The following VTI1A variants were observed in gnomAD, a reference collection of about 807,000 sequenced individuals.
VTI1A encodes the protein vesicle transport through interaction with t-SNAREs homolog 1A.
VTI1A carries 22 observed loss-of-function variants against 34.9 expected under a neutral mutation model. The ratio of observed to expected loss-of-function variants is 0.63; its 90% CI spans 0.45 to 0.90. The LOEUF (loss-of-function observed/expected upper bound fraction) is 0.90. Ranked by LOEUF, VTI1A falls within the 40% of genes least tolerant of loss-of-function variation. The pLI is 0.00. For missense variants in VTI1A, 268 were observed against 275.6 expected, an observed-to-expected ratio of 0.97 and a Z score of 0.20; for synonymous variants, 87 against 97.3, an observed-to-expected ratio of 0.89 and a Z score of 0.62.
intron 7 of VTI1A, among the ~76,000 whole-genome samples, chr10:112,783,812 A>G (rs777313380): frequency 2.0e-5 from 3 of 152,234 alleles, no homozygotes; most frequent in Non-Finnish European, 4.4e-5. Context: ...TGCTGAGCCG[A>G]TTCCAGCATG....
At chr10:112,757,874 A>G (rs1273819420) in intron 7 of VTI1A, among the ~76,000 whole-genome samples, 1 of 152,178 alleles carries the variant, frequency 6.6e-6, no homozygotes, top group Admixed American at 6.5e-5. Flanking sequence ...AAACATGCAA[A>G]TAGAATTGTT....
At chr10:112,826,361 C>T in the VTI1A span, 3 of 152,342 alleles carry the variant, frequency 2.0e-5, no homozygotes, top group Admixed American at 6.5e-5. Flanking sequence ...TAGGTTTAAC[C>T]ACCATGGGCA....
At chr10:112,761,052 T>C (rs1197986821) in intron 7 of VTI1A, among the ~76,000 whole-genome samples, 1 of 152,204 alleles carries the variant, frequency 6.6e-6, no homozygotes, top group East Asian at 1.9e-4. Flanking sequence ...TACGTGAGCA[T>C]TTAACTTTTT....
chr10:112,513,279 G>A (rs913428827), intron 3 of VTI1A, among the ~76,000 whole-genome samples: 2 of 151,822 alleles, frequency 1.3e-5, no homozygotes, highest in Non-Finnish European at 2.9e-5. Context: ...ATACCCAAGT[G>A]TTTAATTTTT....
chr10:112,595,926 T>C (rs1844619392), intron 5 of VTI1A, among the ~76,000 whole-genome samples: 1 of 152,084 alleles, frequency 6.6e-6, no homozygotes, highest in Admixed American at 6.5e-5. Flanking sequence ...TGTCCAACAA[T>C]GACAGACTGG....
chr10:112,491,749 A>G (rs930664993), intron 3 of VTI1A, among the ~76,000 whole-genome samples: 2 of 152,184 alleles, frequency 1.3e-5, no homozygotes, highest in Middle Eastern at 3.2e-3. Flanking sequence ...CTGACTATCC[A>G]TATTTCAAGG....
the VTI1A span, chr10:112,825,708 G>A: frequency 2.0e-5 from 3 of 152,208 alleles, no homozygotes; most frequent in African/African-American, 7.2e-5. Context: ...GAACCCTCAT[G>A]TCTAGGGAGC....
chr10:112,682,359 A>G (rs1848245476), intron 7 of VTI1A, among the ~76,000 whole-genome samples: 1 of 152,124 alleles, frequency 6.6e-6, no homozygotes, highest in South Asian at 2.1e-4. Flanking sequence ...TTACATGTTA[A>G]ATTATGTGTT....
the VTI1A span, among the ~76,000 whole-genome samples, chr10:112,854,267 C>T: frequency 6.6e-6 from 1 of 152,240 alleles, no homozygotes; most frequent in Non-Finnish European, 1.5e-5. Flanking sequence ...CTGTTTATTG[C>T]TTCCTGTCAG....
At chr10:112,772,825 A>G (rs940373772) in intron 7 of VTI1A, among the ~76,000 whole-genome samples, 10 of 152,332 alleles carry the variant, frequency 6.6e-5, no homozygotes, top group Admixed American at 3.9e-4. Context: ...GTCATCTACC[A>G]AGACACACCT....
chr10:112,533,960 A>G (rs1025939999), intron 4 of VTI1A, among the ~76,000 whole-genome samples: 1 of 152,086 alleles, frequency 6.6e-6, no homozygotes, highest in Non-Finnish European at 1.5e-5. Context: ...ACTGTTCTTA[A>G]ATAAACTCCT....
intron 7 of VTI1A, among the ~76,000 whole-genome samples, chr10:112,707,182 C>T (rs1849229186): frequency 1.3e-5 from 2 of 151,828 alleles, no homozygotes; most frequent in Admixed American, 6.6e-5. Flanking sequence ...TTTTTTGAAA[C>T]AGGAACTCAT....
chr10:112,627,861 A>T (rs1319855057), intron 5 of VTI1A, among the ~76,000 whole-genome samples: 2 of 152,146 alleles, frequency 1.3e-5, no homozygotes, highest in Non-Finnish European at 2.9e-5. Flanking sequence ...TATATAATAT[A>T]AAGTAAAATA....
At chr10:112,844,148 A>T in the VTI1A span, among the ~76,000 whole-genome samples, 2 of 152,174 alleles carry the variant, frequency 1.3e-5, no homozygotes, top group Non-Finnish European at 2.9e-5. Flanking sequence ...AAGGCTCAAG[A>T]ACCTCTGGAT....
At chr10:112,645,304 T>C (rs1460331377) in intron 5 of VTI1A, among the ~76,000 whole-genome samples, 1 of 152,234 alleles carries the variant, frequency 6.6e-6, no homozygotes, top group Non-Finnish European at 1.5e-5. Context: ...CTTTGCCACC[T>C]ATCTTAACCC....
intron 3 of VTI1A, among the ~76,000 whole-genome samples, chr10:112,477,065 A>G (rs17675767): frequency 0.046 from 6,982 of 152,294 alleles, 216 homozygotes; most frequent in Middle Eastern, 0.071. Flanking sequence ...TGGGACTAGA[A>G]TAGATTTTGC....
At chr10:112,803,584 G>A (rs1479185150) in intron 7 of VTI1A, among the ~76,000 whole-genome samples, 1 of 152,172 alleles carries the variant, frequency 6.6e-6, no homozygotes, top group Admixed American at 6.5e-5. Context: ...CCCTCTCACA[G>A]CCTCAGTGTC....
In VTI1A at chr10:112,691,262, AAAATAAAT is replaced by A. The variant is rs67534865; in HGVS notation, c.560+22301_560+22308del. Among the ~76,000 whole-genome samples the A allele has an allele frequency of 4.3e-3, 599 of 140,274 alleles. 6 individuals are homozygous for A. The highest frequency in any genetic ancestry group is 0.01 in the African/African-American group (392 of 37,994). 92.0% of individuals were successfully genotyped at this position (140,274 alleles called of 152,430 possible). ...GGCAACAGAATGAGACTCTGCCTCAAAAATAAATAAATAAATAAATAAATAAATAAATA... is the reference window on the plus strand; with the variant it reads ...GGCAACAGAATGAGACTCTGCCTCAAAAATAAATAAATAAATAAATAAATA... On this transcript the variant is annotated intron_variant, in intron 7 of 7. Transcript: ENST00000393077.
At chr10:112,739,685 C>T (rs1425608136) in intron 7 of VTI1A, among the ~76,000 whole-genome samples, 1 of 152,208 alleles carries the variant, frequency 6.6e-6, no homozygotes, top group Non-Finnish European at 1.5e-5. Context: ...GTGCTGCATG[C>T]TACGGAATAC....
Sources: allele counts gnomAD v4.1 joint callset (sites outside exome capture counted in the v4.1 genomes callset), GRCh38; gene constraint gnomAD v4.1.1; transcripts MANE v1.5; gene names NCBI Gene and HGNC (gene_info 2026-07-23, HGNC 2026-07-21).